Variants in KCNG3 observed in about 807,000 individuals in gnomAD.
KCNG3 encodes the protein voltage-gated potassium channel regulatory subunit KCNG3.
In KCNG3, 15 loss-of-function variants were observed where a neutral mutation model predicts 29.0. The observed-to-expected ratio is 0.52, with a 90% CI of 0.35 to 0.80. KCNG3 has a LOEUF of 0.80. Ranked by LOEUF, KCNG3 falls within the 30% of genes least tolerant of loss-of-function variation. The pLI is 0.01. For missense variants in KCNG3, 512 were observed against 605.7 expected, an observed-to-expected ratio of 0.85 and a Z score of 1.62; for synonymous variants, 322 against 248.9, an observed-to-expected ratio of 1.29 and a Z score of -2.76.
chr2:42,398,518 T>C, the KCNG3 span, among the ~76,000 whole-genome samples: 1 of 152,130 alleles, frequency 6.6e-6, no homozygotes, highest in African/African-American at 2.4e-5. Context: ...TTGATAAGCA[T>C]TGTAACCTTC....
intron 1 of KCNG3, among the ~76,000 whole-genome samples, chr2:42,457,486 T>C (rs1185930649): frequency 6.6e-6 from 1 of 151,094 alleles, no homozygotes; most frequent in Non-Finnish European, 1.5e-5. Context: ...AGAGAGACTT[T>C]GTTTCAAAAA....
chr2:42,403,731 C>A, the KCNG3 span, among the ~76,000 whole-genome samples: 1 of 151,160 alleles, frequency 6.6e-6, no homozygotes, highest in Non-Finnish European at 1.5e-5. Flanking sequence ...TCCCAAAGTG[C>A]TAAGATTACA....
chr2:42,406,042 C>T, the KCNG3 span, among the ~76,000 whole-genome samples: 2 of 151,896 alleles, frequency 1.3e-5, no homozygotes, highest in African/African-American at 2.4e-5. Context: ...CATGCCCAGC[C>T]CATTCTCTAG....
At chr2:42,413,631 G>C in the KCNG3 span, 1 of 152,128 alleles carries the variant, frequency 6.6e-6, no homozygotes. Context: ...CCAAGACTGG[G>C]TGATTTATAA....
At chr2:42,488,552 CT>C (rs111727996) in intron 1 of KCNG3, among the ~76,000 whole-genome samples, 218 of 136,938 alleles carry the variant, frequency 1.6e-3, no homozygotes, top group Admixed American at 1.8e-3. Context: ...ATTTTCTTTT[CT>C]TTTTTTTTTT....
At chr2:42,452,315 AG>A (rs1672780617) in intron 1 of KCNG3, among the ~76,000 whole-genome samples, 1 of 148,970 alleles carries the variant, frequency 6.7e-6, no homozygotes, top group Non-Finnish European at 1.5e-5. Flanking sequence ...GAGCAGTCAT[AG>A]CTCACTGCAG....
At chr2:42,457,772 C>T (rs1221400050) in intron 1 of KCNG3, among the ~76,000 whole-genome samples, 6 of 151,060 alleles carry the variant, frequency 4.0e-5, no homozygotes, top group African/African-American at 1.2e-4. Flanking sequence ...GCTATGATCA[C>T]ACCACTGCAC....
the KCNG3 span, among the ~76,000 whole-genome samples, chr2:42,426,325 A>G: frequency 6.6e-6 from 1 of 152,234 alleles, no homozygotes; most frequent in Non-Finnish European, 1.5e-5. Flanking sequence ...GTCCATTTAA[A>G]CCATCATTCC....
the KCNG3 span, among the ~76,000 whole-genome samples, chr2:42,392,874 A>G: frequency 1.7e-3 from 259 of 152,256 alleles, 2 homozygotes; most frequent in African/African-American, 6.0e-3. Context: ...CTTTAAGACC[A>G]GAAGCGTCAA....
chr2:42,479,436 G>T (rs553607116), intron 1 of KCNG3, among the ~76,000 whole-genome samples: 1 of 152,000 alleles, frequency 6.6e-6, no homozygotes, highest in Non-Finnish European at 1.5e-5. Flanking sequence ...TTGAGCTAGG[G>T]AGTTTGAGAC....
At chr2:42,439,561 C>G (rs1359337933), downstream of KCNG3, among the ~76,000 whole-genome samples, 1 of 137,544 alleles carries the variant, frequency 7.3e-6, no homozygotes, top group Non-Finnish European at 1.6e-5. Context: ...CCATGCCCGG[C>G]AATAATTGCT....
Position 42,493,555 on chromosome 2 carries a change from C to G in KCNG3, c.-54G>C, listed in dbSNP as rs1341270514. ...GAGGGCCCCGCTGCAGCCCCCCACC[C>G]CAAGCCGCCACGCGGGGCCTGCCTG... On this transcript the variant is annotated 5_prime_UTR_variant, in exon 1 of 2. Coordinates refer to ENST00000306078, the MANE Select transcript of KCNG3 (RefSeq NM_133329.6). The G allele has an allele frequency of 7.8e-7, 1 of 1,285,492 alleles. No homozygotes were observed. Among genetic ancestry groups the G allele is most frequent in the African/African-American group, 1.6e-5 (1 of 64,370 alleles). The allele number at this position is 1,285,492 out of a possible 1,614,324, so 79.6% of individuals were successfully genotyped here. A position where few individuals can be genotyped will look rare whatever the true frequency, so the allele number is the denominator to read the frequency against.
At chr2:42,477,065 A>G (rs998011556) in intron 1 of KCNG3, among the ~76,000 whole-genome samples, 2 of 150,404 alleles carry the variant, frequency 1.3e-5, no homozygotes, top group Non-Finnish European at 3.0e-5. Flanking sequence ...GGTGGCAGGC[A>G]CCTGTAGTCC....
At chr2:42,460,799 A>C (rs1371889970) in intron 1 of KCNG3, among the ~76,000 whole-genome samples, 2 of 152,182 alleles carry the variant, frequency 1.3e-5, no homozygotes, top group African/African-American at 2.4e-5. Context: ...AAGTGAAGAA[A>C]ACAAAAGGCA....
the KCNG3 span, among the ~76,000 whole-genome samples, chr2:42,404,101 T>A: frequency 2.0e-5 from 3 of 152,354 alleles, no homozygotes; most frequent in East Asian, 5.8e-4. Flanking sequence ...CCAGGCCTAG[T>A]AACCTTTGCA....
At chr2:42,450,047 C>G (rs1672711477) in intron 1 of KCNG3, among the ~76,000 whole-genome samples, 1 of 152,134 alleles carries the variant, frequency 6.6e-6, no homozygotes, top group Non-Finnish European at 1.5e-5. Context: ...AGGACCTTCC[C>G]AGCTCTAAAA....
chr2:42,413,081 G>C, the KCNG3 span, among the ~76,000 whole-genome samples: 1 of 152,068 alleles, frequency 6.6e-6, no homozygotes, highest in Non-Finnish European at 1.5e-5. Flanking sequence ...CTCCTGCATA[G>C]TTTACAGTGG....
chr2:42,473,046 C>G (rs1056606944), intron 1 of KCNG3, among the ~76,000 whole-genome samples: 1 of 151,224 alleles, frequency 6.6e-6, no homozygotes, highest in Non-Finnish European at 1.5e-5. Context: ...GGACTACAGG[C>G]ACCCGCCACC....
the KCNG3 span, among the ~76,000 whole-genome samples, chr2:42,393,891 C>T: frequency 2.8e-3 from 420 of 152,030 alleles, 2 homozygotes; most frequent in African/African-American, 8.6e-3. Context: ...AGCAATTCTC[C>T]TGCCTCAGCC....
Sources: gnomAD v4.1 joint callset for allele counts (sites outside exome capture counted in the v4.1 genomes callset) on GRCh38, gnomAD v4.1.1 for gene constraint, MANE v1.5 for transcripts, NCBI Gene and HGNC (gene_info 2026-07-23, HGNC 2026-07-21) for gene names.